Variants in PTPRB observed in about 807,000 individuals in gnomAD.
PTPRB encodes protein tyrosine phosphatase receptor type B.
PTPRB carries 97 observed loss-of-function variants against 238.1 expected under a neutral mutation model. That is an observed-to-expected ratio of 0.41 (90% CI 0.35 to 0.48). The LOEUF (loss-of-function observed/expected upper bound fraction) is 0.48, where lower values mean the gene tolerates loss of function less well. PTPRB is among the 20% of genes least tolerant of loss of function. PTPRB has a pLI of 0.30. For synonymous variants in PTPRB, 970 were observed against 995.4 expected (o/e 0.97, Z 0.48); for missense variants, 2,292 against 2,681.9 (o/e 0.85, Z 3.21).
chr12:70,565,062 TCACTTC>T (rs1217729282), intron 15 of PTPRB, among the ~76,000 whole-genome samples: 2 of 152,110 alleles, frequency 1.3e-5, no homozygotes, highest in Non-Finnish European at 2.9e-5. Context: ...GTTTTTTTAT[TCACTTC>T]TGTATATCCA....
chr12:70,559,390 T>G lies in PTPRB; in HGVS notation c.4667A>C (p.Asp1556Ala), dbSNP rs768443437. 6.2e-7 allele frequency: 1 copy of G among 1,613,928 alleles called. No homozygotes were observed. Among genetic ancestry groups the G allele is most frequent in the East Asian group, 2.2e-5 (1 of 44,884 alleles). Residue 1556 changes from aspartate (D) to alanine (A), a missense_variant, in exon 18 of 34, where the codon GAT becomes GCT. Transcript: ENST00000334414. ...TGGTTTGCTGTAAGTTTTCCAGGAATCACCACTGACAGTCTTGACGTTGAA... is the reference window on the plus strand; with the variant it reads ...TGGTTTGCTGTAAGTTTTCCAGGAAGCACCACTGACAGTCTTGACGTTGAA... ...YQFNVKTVSG[D>A]SWKTYSKPIF...
chr12:70,596,377 G>C lies in PTPRB; in HGVS notation c.980-50C>G, dbSNP rs12422730. On this transcript the variant is annotated intron_variant, in intron 4 of 33. Coordinates refer to ENST00000334414, the MANE Select transcript of PTPRB (RefSeq NM_001109754.4). ...CACAAAAAAAAAAAAGAAAGAAAAA[G>C]AAAAAAAAAGAACATGGCTTGAAGA... 1.5e-5 allele frequency: 19 copies of C among 1,272,820 alleles called. No homozygotes were observed. In the African/African-American group the frequency reaches 2.8e-4, roughly 19 times the overall value. The allele number at this position is 1,272,820 out of a possible 1,614,324, so 78.8% of individuals were successfully genotyped here. A position where few individuals can be genotyped will look rare whatever the true frequency, so the allele number is the denominator to read the frequency against.
chr12:70,535,592 G>T (rs1355701611), intron 29 of PTPRB, among the ~76,000 whole-genome samples: 1 of 152,180 alleles, frequency 6.6e-6, no homozygotes, highest in African/African-American at 2.4e-5. Context: ...AGGATGGTAA[G>T]TGCATTACAA....
chr12:70,520,232 A>C lies in PTPRB; in HGVS notation c.*1257T>G. 2 of 475,446 alleles carry C rather than the reference A, an allele frequency of 4.2e-6. No individual in the cohort carries two copies. The highest frequency in any genetic ancestry group is 8.5e-6 in the Non-Finnish European group (2 of 236,094). 29.5% of individuals were successfully genotyped at this position (475,446 alleles called of 1,614,324 possible). A position where few individuals can be genotyped will look rare whatever the true frequency, so the allele number is the denominator to read the frequency against. On this transcript the variant is annotated 3_prime_UTR_variant, in exon 34 of 34. Transcript: ENST00000334414. ...TCGGAACTGGACCTTGATGAAGGAA[A>C]TACTTTCTGACTCATTGGAATTTGT...
intron 8 of PTPRB, among the ~76,000 whole-genome samples, chr12:70,588,159 A>G (rs1407322473): frequency 6.6e-6 from 1 of 152,064 alleles, no homozygotes; most frequent in Non-Finnish European, 1.5e-5. Context: ...GCCTTAAATT[A>G]TGAAAGAATC....
At chr12:70,527,203 A>G (rs1398878842) in intron 32 of PTPRB, among the ~76,000 whole-genome samples, 1 of 152,208 alleles carries the variant, frequency 6.6e-6, no homozygotes, top group Non-Finnish European at 1.5e-5. Context: ...GTATTTAGTG[A>G]ACAAATACCT....
chr12:70,555,412 C>T, intron 19 of PTPRB, 103 bp from the exon 20 acceptor site: 1 of 1,130,218 alleles, frequency 8.8e-7, no homozygotes, highest in Non-Finnish European at 1.3e-6. Context: ...CTGCATCAGA[C>T]TGTGTGTGTG....
chr12:70,539,599 G>T, intron 26 of PTPRB, 26 bp downstream of exon 26: 1 of 1,472,064 alleles, frequency 6.8e-7, no homozygotes, highest in Non-Finnish European at 9.3e-7. Flanking sequence ...TAGGGATGCT[G>T]AAGCTTCATT....
intron 4 of PTPRB, among the ~76,000 whole-genome samples, chr12:70,605,492 A>G (rs1883875232): frequency 6.6e-6 from 1 of 152,174 alleles, no homozygotes; most frequent in African/African-American, 2.4e-5. Context: ...CTGAAAACCT[A>G]CTTCTTATTG....
chr12:70,578,685 A>C (rs1161129186), intron 10 of PTPRB, among the ~76,000 whole-genome samples: 8 of 152,200 alleles, frequency 5.3e-5, no homozygotes, highest in Non-Finnish European at 1.2e-4. Flanking sequence ...CCACTTACTT[A>C]AAGTACACAG....
At chr12:70,533,580 G>A (rs1873632593) in intron 31 of PTPRB, among the ~76,000 whole-genome samples, 2 of 152,160 alleles carry the variant, frequency 1.3e-5, no homozygotes, top group Non-Finnish European at 2.9e-5. Flanking sequence ...GGTGCTACAG[G>A]TGGCAATTGC....
At chr12:70,596,009 A>G (rs374593496) in intron 5 of PTPRB, 40 bp downstream of exon 5, 1 of 1,443,240 alleles carries the variant, frequency 6.9e-7, no homozygotes, top group East Asian at 2.4e-5. Flanking sequence ...CTTGAAAAGT[A>G]TCCTATTAAC....
At position 70,515,930 on chromosome 12, in the gene PTPRB, T is replaced by A. The variant is rs548451460; in HGVS notation, c.*5559A>T. On this transcript the variant is annotated 3_prime_UTR_variant, in exon 34 of 34. Coordinates refer to ENST00000334414, the MANE Select transcript of PTPRB (RefSeq NM_001109754.4). ...GAATGTATGCAAGATGCTATATAGA[T>A]TTTTTTTTTACCACAGTTACAAATA... 10 of 18,570 alleles carry A rather than the reference T, an allele frequency of 5.4e-4. No individual in the cohort carries two copies. Among genetic ancestry groups the A allele is most frequent in the Admixed American group, 5.0e-3 (8 of 1,594 alleles). 1.2% of individuals were successfully genotyped at this position (18,570 alleles called of 1,614,324 possible).
Position 70,556,155 on chromosome 12 carries a change from G to A in PTPRB, c.4715-7C>T, listed in dbSNP as rs778922648. The stretch of plus-strand genomic sequence containing the variant: ...TTTTGTATCTTGTCAGGCTCTAAAG[G>A]AAACAGAGGAGGCAACACTTTTCAG... On this transcript the variant is annotated splice_polypyrimidine_tract_variant and splice_region_variant and intron_variant, in intron 18 of 33. Transcript: ENST00000334414. 6.2e-7 allele frequency: 1 copy of A among 1,608,878 alleles called. No individual in the cohort carries two copies. Among genetic ancestry groups the A allele is most frequent in the Non-Finnish European group, 8.5e-7 (1 of 1,177,144 alleles).
rs148743568 is a variant in PTPRB at position 70,582,704 on chromosome 12, T to C, written c.2312-1402A>G. Among the ~76,000 whole-genome samples the C allele has an allele frequency of 1.8e-4, 27 of 152,214 alleles. No individual in the cohort carries two copies. The East Asian group carries it at 4.6e-3, about 26-fold the overall frequency. ...GACCTACATTTAAAACCTAAAACTA[T>C]AACCTTCTAGGAGAAAACCTTTGTG... On this transcript the variant is annotated intron_variant, in intron 9 of 33. Transcript: ENST00000334414.
intron 18 of PTPRB, 70 bp downstream of exon 18, chr12:70,559,273 T>G: frequency 6.8e-7 from 1 of 1,463,066 alleles, no homozygotes; most frequent in Non-Finnish European, 9.5e-7. Context: ...CAAGCCCTAT[T>G]TGAGTAAGAT....
At position 70,626,296 on chromosome 12, in the gene PTPRB, C is replaced by CTATCT. The variant is rs1885177325; in HGVS notation, c.452-3651_452-3650insAGATA. Among the ~76,000 whole-genome samples, 85 of 91,938 alleles carry CTATCT rather than the reference C, an allele frequency of 9.2e-4. 1 individual carries two copies. The highest frequency in any genetic ancestry group is 1.9e-3 in the African/African-American group (41 of 21,214). The allele number at this position is 91,938 out of a possible 152,430, so 60.3% of individuals were successfully genotyped here. A position where few individuals can be genotyped will look rare whatever the true frequency, so the allele number is the denominator to read the frequency against. On this transcript the variant is annotated intron_variant, in intron 2 of 33. Transcript: ENST00000334414. ...TAGAAAAGGATGATGTCTATCCATCCATCTATCTATCTATCTATCTATCTA... is the reference window on the plus strand; with the variant it reads ...TAGAAAAGGATGATGTCTATCCATCCTATCTATCTATCTATCTATCTATCTATCTA...
intron 27 of PTPRB, 21 bp from the exon 28 acceptor site, chr12:70,538,252 C>T: frequency 6.2e-6 from 10 of 1,607,402 alleles, no homozygotes; most frequent in Non-Finnish European, 8.5e-6. Context: ...AGATTTGCTG[C>T]TGAGTCTTGG....
rs1459514103 is a variant in PTPRB at position 70,534,968 on chromosome 12, A to AGAC, written c.6082-16_6082-14dup. The AGAC allele has an allele frequency of 2.5e-6, 4 of 1,602,102 alleles. No individual in the cohort carries two copies. Among genetic ancestry groups the AGAC allele is most frequent in the Non-Finnish European group, 1.7e-6 (2 of 1,173,170 alleles). On this transcript the variant is annotated splice_polypyrimidine_tract_variant and intron_variant, in intron 29 of 33. Coordinates refer to ENST00000334414, the MANE Select transcript of PTPRB (RefSeq NM_001109754.4). ...GATCACACTTTACCTAGAACAGGAC[A>AGAC]GACAGAAAAAACATGAGTCCGGAAA...
Sources: allele counts gnomAD v4.1 joint callset (sites outside exome capture counted in the v4.1 genomes callset), GRCh38; gene constraint gnomAD v4.1.1; transcripts MANE v1.5; gene names NCBI Gene and HGNC (gene_info 2026-07-23, HGNC 2026-07-21).